The following CCDC102B variants were observed in gnomAD, a reference collection of about 807,000 sequenced individuals.
CCDC102B encodes the protein coiled-coil domain-containing protein 102B.
CCDC102B carries 75 observed loss-of-function variants against 57.4 expected under a neutral mutation model. The ratio of observed to expected loss-of-function variants is 1.31; its 90% CI spans 1.08 to 1.58. The LOEUF is 1.58. Ranked by LOEUF, CCDC102B falls within the 40% of genes most tolerant of loss-of-function variation. The probability of loss-of-function intolerance (pLI) is 0.00; values close to 1 mark genes in which losing one functional copy is unlikely to be tolerated. For synonymous variants in CCDC102B, 206 were observed against 201.9 expected, an observed-to-expected ratio of 1.02 and a Z score of -0.17; for missense variants, 636 against 582.6, an observed-to-expected ratio of 1.09 and a Z score of -0.94.
intron 6 of CCDC102B, among the ~76,000 whole-genome samples, 182 bp from the exon 7 acceptor site, chr18:69,010,752 T>C (rs1383564806): frequency 6.6e-6 from 1 of 152,180 alleles, no homozygotes; most frequent in Non-Finnish European, 1.5e-5. Flanking sequence ...TCACATATCT[T>C]TCATTTATAG....
chr18:68,772,512 T>C (rs1022467082), intron 2 of CCDC102B, among the ~76,000 whole-genome samples: 1 of 152,134 alleles, frequency 6.6e-6, no homozygotes, highest in Non-Finnish European at 1.5e-5. Context: ...ATGGCCAACT[T>C]TCTGTTTTGC....
At chr18:68,813,357 T>C (rs1307007746) in intron 1 of CCDC102B, among the ~76,000 whole-genome samples, 1 of 151,834 alleles carries the variant, frequency 6.6e-6, no homozygotes, top group Non-Finnish European at 1.5e-5. Context: ...TAGTTCTTTA[T>C]AGCAGCACGA....
At chr18:68,721,758 A>G (rs2145186188) in intron 2 of CCDC102B, among the ~76,000 whole-genome samples, 1 of 152,344 alleles carries the variant, frequency 6.6e-6, no homozygotes, top group Admixed American at 6.5e-5. Context: ...TGAATTCTAG[A>G]AGCTAGCAAA....
chr18:68,822,506 CTAT>C (rs1018345010), intron 1 of CCDC102B, among the ~76,000 whole-genome samples: 4 of 151,810 alleles, frequency 2.6e-5, no homozygotes, highest in Non-Finnish European at 5.9e-5. Context: ...TTATTTAATA[CTAT>C]TATTATTTTT....
intron 6 of CCDC102B, chr18:68,900,063 A>C (rs892755329): frequency 6.6e-6 from 1 of 152,164 alleles, no homozygotes; most frequent in Non-Finnish European, 1.5e-5. Context: ...TTTAAAGCAT[A>C]AACCAATGTA....
chr18:69,031,447 AC>A (rs1418286916), intron 7 of CCDC102B, among the ~76,000 whole-genome samples: 17 of 145,062 alleles, frequency 1.2e-4, no homozygotes, highest in African/African-American at 4.3e-4. Context: ...CTTCCTGGAG[AC>A]CTTTTTTTTT....
intron 7 of CCDC102B, among the ~76,000 whole-genome samples, chr18:69,027,908 A>G (rs1402157623): frequency 1.3e-5 from 2 of 152,144 alleles, no homozygotes; most frequent in Admixed American, 6.5e-5. Context: ...GACAGATCCA[A>G]TTGGGGAAAA....
At chr18:68,788,385 G>C (rs2035293771) in intron 2 of CCDC102B, among the ~76,000 whole-genome samples, 1 of 148,712 alleles carries the variant, frequency 6.7e-6, no homozygotes, top group Non-Finnish European at 1.5e-5. Flanking sequence ...GGGTATCCTT[G>C]TTGACTTTCT....
intron 7 of CCDC102B, among the ~76,000 whole-genome samples, chr18:69,018,514 T>C (rs1298365095): frequency 6.6e-6 from 1 of 152,156 alleles, no homozygotes; most frequent in Non-Finnish European, 1.5e-5. Context: ...AGTTTGACTT[T>C]CTCTGATGAT....
chr18:68,999,519 T>A (rs1415908417), intron 6 of CCDC102B, among the ~76,000 whole-genome samples: 4 of 151,640 alleles, frequency 2.6e-5, no homozygotes, highest in Non-Finnish European at 5.9e-5. Context: ...GTTTTGAGAA[T>A]CCCTTTAACC....
At chr18:68,739,153 C>A (rs530260704) in intron 2 of CCDC102B, among the ~76,000 whole-genome samples, 3 of 152,088 alleles carry the variant, frequency 2.0e-5, no homozygotes, top group Non-Finnish European at 4.4e-5. Flanking sequence ...TACCACCATG[C>A]CCAGCTAATT....
intron 6 of CCDC102B, among the ~76,000 whole-genome samples, chr18:68,976,337 G>A (rs2050437861): frequency 1.3e-5 from 2 of 151,902 alleles, no homozygotes; most frequent in African/African-American, 4.8e-5. Context: ...AATAAAAATG[G>A]TGTGAATTCG....
intron 6 of CCDC102B, chr18:68,899,796 G>C (rs936587800): frequency 6.6e-6 from 1 of 151,890 alleles, no homozygotes; most frequent in African/African-American, 2.4e-5. Context: ...TTTACATTTG[G>C]TTTTTTTATT....
At chr18:68,828,602 C>T (rs192302216) in intron 1 of CCDC102B, among the ~76,000 whole-genome samples, 13 of 151,642 alleles carry the variant, frequency 8.6e-5, no homozygotes, top group Admixed American at 8.5e-4. Flanking sequence ...GAAGAAAGAT[C>T]ATGCCCTAAA....
At chr18:69,035,249 A>G (rs1015733068) in intron 7 of CCDC102B, among the ~76,000 whole-genome samples, 1 of 152,080 alleles carries the variant, frequency 6.6e-6, no homozygotes, top group Non-Finnish European at 1.5e-5. Context: ...TTTTTTAAAC[A>G]TTTTAACAAT....
intron 1 of CCDC102B, among the ~76,000 whole-genome samples, chr18:68,828,322 CAAAAAAAA>C (rs58180806): frequency 2.0e-4 from 16 of 80,804 alleles, no homozygotes; most frequent in Non-Finnish European, 3.3e-4. Flanking sequence ...ACCCTATTTA[CAAAAAAAA>C]AAAAAAAAAA....
chr18:68,970,753 C>A (rs1168277111), intron 6 of CCDC102B, among the ~76,000 whole-genome samples: 2 of 151,902 alleles, frequency 1.3e-5, no homozygotes, highest in African/African-American at 4.8e-5. Flanking sequence ...CAAATAACAT[C>A]GTCTGTCTAA....
intron 6 of CCDC102B, among the ~76,000 whole-genome samples, chr18:68,928,007 C>T (rs960047685): frequency 3.3e-5 from 5 of 151,836 alleles, no homozygotes; most frequent in African/African-American, 1.2e-4. Context: ...TAGTCAAGCA[C>T]TTGAAGTTGG....
At chr18:68,921,376 A>T (rs953113987) in intron 6 of CCDC102B, among the ~76,000 whole-genome samples, 1 of 152,176 alleles carries the variant, frequency 6.6e-6, no homozygotes, top group Non-Finnish European at 1.5e-5. Context: ...GATTAACTGT[A>T]TGTCTATGGT....
Sources: gnomAD v4.1 joint callset for allele counts (sites outside exome capture counted in the v4.1 genomes callset) on GRCh38, gnomAD v4.1.1 for gene constraint, MANE v1.5 for transcripts, NCBI Gene and HGNC (gene_info 2026-07-23, HGNC 2026-07-21) for gene names.